The following NPNT variants were observed in gnomAD, a reference collection of about 807,000 sequenced individuals.
The protein encoded by NPNT is nephronectin.
In NPNT, 45 loss-of-function variants were observed where a neutral mutation model predicts 68.6. The ratio of observed to expected loss-of-function variants is 0.66; its 90% CI spans 0.52 to 0.84. The LOEUF (loss-of-function observed/expected upper bound fraction) is 0.84, where lower values mean the gene tolerates loss of function less well. Among genes scored for constraint, NPNT ranks in the 40% least tolerant of loss-of-function variants. The pLI, the probability that NPNT is intolerant of heterozygous loss-of-function variation, is 0.00. For synonymous variants in NPNT, 233 were observed against 253.3 expected (o/e 0.92, Z 0.76); for missense variants, 672 against 714.8 (o/e 0.94, Z 0.68).
At chr4:105,968,087 A>T (rs975116917) in intron 11 of NPNT, among the ~76,000 whole-genome samples, 1 of 152,168 alleles carries the variant, frequency 6.6e-6, no homozygotes, top group Admixed American at 6.5e-5. Context: ...TTATGAATGC[A>T]TTTGGGAAAA....
At chr4:105,938,877 T>C (rs1197576958) in intron 5 of NPNT, among the ~76,000 whole-genome samples, 1 of 152,190 alleles carries the variant, frequency 6.6e-6, no homozygotes, top group Admixed American at 6.5e-5. Flanking sequence ...ATGTACTAGA[T>C]ATGTAACCTT....
intron 8 of NPNT, among the ~76,000 whole-genome samples, chr4:105,953,224 T>C (rs1283297899): frequency 6.6e-6 from 1 of 152,210 alleles, no homozygotes; most frequent in African/African-American, 2.4e-5. Context: ...TAAAACTTTA[T>C]TAAAAGTTCC....
intron 7 of NPNT, among the ~76,000 whole-genome samples, 173 bp from the exon 8 acceptor site, chr4:105,942,134 T>TACAG (rs752214073): frequency 1.4e-4 from 2 of 14,346 alleles, no homozygotes; most frequent in Non-Finnish European, 6.1e-4. Flanking sequence ...TATATATATA[T>TACAG]ATACACACAT....
chr4:105,940,729 CAAA>C, intron 7 of NPNT, 93 bp downstream of exon 7: 2 of 1,110,200 alleles, frequency 1.8e-6, no homozygotes, highest in South Asian at 3.0e-5. Flanking sequence ...ATAAGATTAT[CAAA>C]GAAGTATAAT....
rs186236291 is a variant in NPNT, at chr4:105,946,984, C to G, written c.1159+4282C>G. Among the ~76,000 whole-genome samples the G allele has an allele frequency of 1.8e-3, 267 of 152,286 alleles. 1 individual carries two copies. The highest frequency in any genetic ancestry group is 5.9e-3 in the African/African-American group (247 of 41,556). On this transcript the variant is annotated intron_variant, in intron 8 of 11. Coordinates refer to ENST00000379987, the MANE Select transcript of NPNT (RefSeq NM_001033047.3). ...CCAGGGCATATTTCAGTCATTATCT[C>G]AACCGCATGAGACAGACACTCCCAG... is the stretch of plus-strand genomic sequence containing the variant.
chr4:105,967,108 AAACT>A, intron 10 of NPNT, 76 bp from the exon 11 acceptor site: 3 of 1,422,706 alleles, frequency 2.1e-6, no homozygotes, highest in Non-Finnish European at 1.9e-6. Flanking sequence ...AAAAAAAAAA[AAACT>A]AAAACTCCTG....
chr4:105,932,976 C>G (rs1729233469), intron 3 of NPNT, among the ~76,000 whole-genome samples: 1 of 152,112 alleles, frequency 6.6e-6, no homozygotes, highest in African/African-American at 2.4e-5. Flanking sequence ...AGCAAAACAA[C>G]TTTTTTCATA....
At chr4:105,899,432 C>T (rs1413556371) in intron 2 of NPNT, among the ~76,000 whole-genome samples, 1 of 152,144 alleles carries the variant, frequency 6.6e-6, no homozygotes, top group Non-Finnish European at 1.5e-5. Context: ...CACCAGGCAC[C>T]ATTCTTCTTT....
intron 1 of NPNT, among the ~76,000 whole-genome samples, chr4:105,897,349 GT>G (rs935450126): frequency 4.0e-5 from 6 of 151,842 alleles, no homozygotes; most frequent in East Asian, 1.9e-4. Flanking sequence ...GTACTTTTTT[GT>G]TTTTTTTGTT....
chr4:105,903,855 G>A (rs1469190245), intron 2 of NPNT, among the ~76,000 whole-genome samples: 2 of 149,430 alleles, frequency 1.3e-5, no homozygotes, highest in Non-Finnish European at 3.0e-5. Flanking sequence ...CATAATCTTG[G>A]CTCACTAGAA....
At chr4:105,965,355 A>G (rs544969480) in intron 10 of NPNT, among the ~76,000 whole-genome samples, 2 of 140,810 alleles carry the variant, frequency 1.4e-5, no homozygotes, top group African/African-American at 5.7e-5. Flanking sequence ...CGAATTCTTC[A>G]TGGCCAAAAA....
chr4:105,948,626 G>T (rs1434226456), intron 8 of NPNT, among the ~76,000 whole-genome samples: 1 of 152,078 alleles, frequency 6.6e-6, no homozygotes, highest in South Asian at 2.1e-4. Flanking sequence ...TTTTATGTGT[G>T]ATGTGAAATA....
chr4:105,930,251 T>C (rs375975029), intron 3 of NPNT, among the ~76,000 whole-genome samples: 23 of 152,340 alleles, frequency 1.5e-4, no homozygotes, highest in African/African-American at 5.5e-4. Flanking sequence ...TTAAAGTGAC[T>C]TGCACATGGT....
chr4:105,937,794 T>A (rs1452315275), intron 4 of NPNT, among the ~76,000 whole-genome samples: 1 of 152,198 alleles, frequency 6.6e-6, no homozygotes, highest in African/African-American at 2.4e-5. Flanking sequence ...TCATATGATA[T>A]CTGACAATTA....
At chr4:105,926,066 C>T (rs895093024) in intron 2 of NPNT, among the ~76,000 whole-genome samples, 3 of 152,166 alleles carry the variant, frequency 2.0e-5, no homozygotes, top group African/African-American at 7.2e-5. Context: ...CCCAACTAAA[C>T]AGCGGCTTAC....
At chr4:105,963,457 A>G (rs1441443206) in intron 10 of NPNT, among the ~76,000 whole-genome samples, 1 of 152,174 alleles carries the variant, frequency 6.6e-6, no homozygotes, top group Non-Finnish European at 1.5e-5. Context: ...TAGCTGCAAA[A>G]TAAGTGCATT....
chr4:105,923,223 G>T (rs888529012), intron 2 of NPNT, among the ~76,000 whole-genome samples: 2 of 152,114 alleles, frequency 1.3e-5, no homozygotes, highest in African/African-American at 4.8e-5. Flanking sequence ...ATTGGAAGGT[G>T]AGCCAGTTTA....
chr4:105,949,373 A>G (rs1020324579), intron 8 of NPNT, among the ~76,000 whole-genome samples: 3 of 152,184 alleles, frequency 2.0e-5, no homozygotes, highest in Non-Finnish European at 2.9e-5. Context: ...ACCATACTCC[A>G]CAAAACCCAG....
intron 2 of NPNT, among the ~76,000 whole-genome samples, chr4:105,923,692 A>C (rs1728441621): frequency 6.6e-6 from 1 of 152,238 alleles, no homozygotes; most frequent in South Asian, 2.1e-4. Flanking sequence ...AACACAGAAC[A>C]AGCCGTGCTC....
Sources: gnomAD v4.1 joint callset for allele counts (sites outside exome capture counted in the v4.1 genomes callset) on GRCh38, gnomAD v4.1.1 for gene constraint, MANE v1.5 for transcripts, NCBI Gene and HGNC (gene_info 2026-07-23, HGNC 2026-07-21) for gene names.